The following OR51B5 variants were observed in gnomAD, a reference collection of about 807,000 sequenced individuals.
The protein encoded by OR51B5 is olfactory receptor 51B5.
For synonymous variants in OR51B5, 186 were observed against 144.8 expected, an observed-to-expected ratio of 1.28 and a Z score of -2.04; for missense variants, 456 against 374.6, an observed-to-expected ratio of 1.22 and a Z score of -1.79.
chr11:5,448,232 C>T (rs559983911), intron 1 of OR51B5, among the ~76,000 whole-genome samples: 6 of 152,164 alleles, frequency 3.9e-5, no homozygotes, highest in African/African-American at 1.2e-4. Flanking sequence ...CAGACCATAA[C>T]TGAACCCTAA....
intron 1 of OR51B5, among the ~76,000 whole-genome samples, chr11:5,427,726 A>G (rs1850470772): frequency 6.6e-6 from 1 of 152,206 alleles, no homozygotes. Context: ...TAGATTTTTG[A>G]TGAGAAAAAT....
chr11:5,350,993 T>A (rs1299412559), intron 1 of OR51B5, among the ~76,000 whole-genome samples: 1 of 152,192 alleles, frequency 6.6e-6, no homozygotes, highest in African/African-American at 2.4e-5. Flanking sequence ...TGTGTATTTG[T>A]TTTTCCATAT....
exon 1 of OR51B5, chr11:5,342,725 G>A (rs762523148): frequency 6.2e-7 from 1 of 1,613,718 alleles, no homozygotes. Context: ...AACAATATGT[G>A]GAACCTGCTT....
intron 1 of OR51B5, chr11:5,453,747 C>A: frequency 4.3e-6 from 7 of 1,614,184 alleles, no homozygotes; most frequent in Non-Finnish European, 5.9e-6. Context: ...AACCTTCTGC[C>A]TCAATGCCCG....
At chr11:5,420,932 C>T (rs1850324267) in intron 1 of OR51B5, among the ~76,000 whole-genome samples, 2 of 152,146 alleles carry the variant, frequency 1.3e-5, no homozygotes, top group Admixed American at 6.5e-5. Context: ...AATTGATGCA[C>T]AATATTTCTT....
intron 1 of OR51B5, among the ~76,000 whole-genome samples, chr11:5,407,408 G>C (rs933601600): frequency 6.6e-5 from 10 of 151,986 alleles, no homozygotes; most frequent in Admixed American, 1.3e-4. Context: ...TTCTGACTTC[G>C]CAGAATTGCA....
rs540210575 is a variant in OR51B5, at chr11:5,429,393, C to T, written n.84+76176G>A. 2.6e-5 allele frequency among the ~76,000 whole-genome samples: 4 copies of T among 152,288 alleles called. No homozygotes were observed. The South Asian group carries it at 8.3e-4, about 32-fold the overall frequency. On this transcript the variant is annotated intron_variant and non_coding_transcript_variant, in intron 1 of 4. Transcript: ENST00000415970. The stretch of plus-strand genomic sequence containing the variant: ...TTCAAAAAAGTCACAGACAACCTTA[C>T]AAAGACAACCCTTGTAAGCTGGATG...
At chr11:5,381,176 A>T (rs2723374) in intron 1 of OR51B5, among the ~76,000 whole-genome samples, 23 of 122,054 alleles carry the variant, frequency 1.9e-4, no homozygotes, top group Non-Finnish European at 3.7e-4. Context: ...TCTCTCTCTC[A>T]CACACACACA....
chr11:5,382,834 C>A (rs898319602), intron 1 of OR51B5, among the ~76,000 whole-genome samples: 1 of 152,138 alleles, frequency 6.6e-6, no homozygotes, highest in African/African-American at 2.4e-5. Context: ...ATCACAATGG[C>A]ATGTCATAAA....
intron 1 of OR51B5, chr11:5,431,133 G>C: frequency 2.4e-6 from 1 of 408,784 alleles, no homozygotes; most frequent in South Asian, 1.8e-5. Flanking sequence ...GTGGGGCCAT[G>C]AGTGCCACAC....
At chr11:5,456,648 A>G (rs1850965148) in intron 1 of OR51B5, 1 of 152,098 alleles carries the variant, frequency 6.6e-6, no homozygotes, top group Non-Finnish European at 1.5e-5. Flanking sequence ...GTACATGTGC[A>G]GGTTTGTTAC....
chr11:5,497,157 C>T (rs576625627), intron 1 of OR51B5, among the ~76,000 whole-genome samples: 1 of 152,230 alleles, frequency 6.6e-6, no homozygotes, highest in South Asian at 2.1e-4. Context: ...GTAAATTACA[C>T]TTCACCTGGT....
chr11:5,481,590 G>A (rs551222872), intron 1 of OR51B5, among the ~76,000 whole-genome samples: 2 of 150,666 alleles, frequency 1.3e-5, no homozygotes, highest in African/African-American at 2.5e-5. Flanking sequence ...CAGATGACAT[G>A]AATGTGTATC....
At chr11:5,390,367 G>A (rs781781774) in intron 1 of OR51B5, 1 of 1,597,956 alleles carries the variant, frequency 6.3e-7, no homozygotes. Flanking sequence ...GTCTTAAAAA[G>A]GCCAGTAAAT....
At chr11:5,387,352 T>G (rs1362820330) in intron 1 of OR51B5, among the ~76,000 whole-genome samples, 1 of 152,156 alleles carries the variant, frequency 6.6e-6, no homozygotes, top group Non-Finnish European at 1.5e-5. Context: ...ACTGGTGAAT[T>G]TAAGGAGCAT....
Position 5,408,927 on chromosome 11 carries a change from T to C in OR51B5, n.85-62017A>G, listed in dbSNP as rs542912791. ...AAAACAAGCCCATAACCTATAATAA[T>C]ATTTTTGTAACACCCTCCTAATTCC... On this transcript the variant is annotated intron_variant and non_coding_transcript_variant, in intron 1 of 4. Transcript: ENST00000415970. 2.0e-5 allele frequency among the ~76,000 whole-genome samples: 3 copies of C among 152,220 alleles called. No homozygotes were observed. In the East Asian group the frequency reaches 5.8e-4, roughly 29 times the overall value.
At position 5,487,327 on chromosome 11, in the gene OR51B5, G is replaced by T. The variant is rs115005003; in HGVS notation, n.84+18242C>A. ...TGGGTATACAAATGTTTAATTCCAT[G>T]AATAGTCATCTTTTGTCAACCACAA... On this transcript the variant is annotated intron_variant and non_coding_transcript_variant, in intron 1 of 4. Transcript: ENST00000415970. 7.0e-3 allele frequency among the ~76,000 whole-genome samples: 1,064 copies of T among 152,194 alleles called. 14 individuals carry two copies. Among genetic ancestry groups the T allele is most frequent in the African/African-American group, 0.025 (1,018 of 41,516 alleles).
intron 1 of OR51B5, among the ~76,000 whole-genome samples, chr11:5,400,149 C>T (rs544153988): frequency 3.9e-5 from 6 of 152,234 alleles, no homozygotes; most frequent in Non-Finnish European, 8.8e-5. Flanking sequence ...CAATAATTTG[C>T]CCCTGAATTT....
At chr11:5,348,676 C>G (rs1020827634) in intron 1 of OR51B5, among the ~76,000 whole-genome samples, 1 of 152,102 alleles carries the variant, frequency 6.6e-6, no homozygotes, top group African/African-American at 2.4e-5. Context: ...TGCCTGCTTT[C>G]TTCTAGCCGC....
Sources: allele counts gnomAD v4.1 joint callset (sites outside exome capture counted in the v4.1 genomes callset), GRCh38; gene constraint gnomAD v4.1.1; transcripts MANE v1.5; gene names NCBI Gene and HGNC (gene_info 2026-07-23, HGNC 2026-07-21).